INTS6: variants seen among roughly 807,000 people sequenced by gnomAD.
INTS6 encodes integrator complex subunit 6.
In INTS6, 16 loss-of-function variants were observed where a neutral mutation model predicts 104.9. The observed-to-expected ratio is 0.15, with a 90% CI of 0.10 to 0.23. The LOEUF (loss-of-function observed/expected upper bound fraction) is 0.23. INTS6 is among the 10% of genes least tolerant of loss of function. The probability of loss-of-function intolerance (pLI) is 1.00; values close to 1 mark genes in which losing one functional copy is unlikely to be tolerated. For missense variants in INTS6, 584 were observed against 1,062.8 expected (o/e 0.55, Z 6.26); for synonymous variants, 324 against 358.7 (o/e 0.90, Z 1.09).
At chr13:51,390,109 AT>A (rs1002015456) in intron 5 of INTS6, among the ~76,000 whole-genome samples, 1 of 151,966 alleles carries the variant, frequency 6.6e-6, no homozygotes, top group Non-Finnish European at 1.5e-5. Flanking sequence ...AATACTAGTG[AT>A]TTTTTTAAAA....
downstream of INTS6, among the ~76,000 whole-genome samples, chr13:51,352,492 T>G (rs1241877318): frequency 6.6e-6 from 1 of 151,956 alleles, no homozygotes; most frequent in Non-Finnish European, 1.5e-5. Flanking sequence ...TGTGTGTGGA[T>G]TCTTTAGGGT....
At position 51,379,513 on chromosome 13, in the gene INTS6, T is replaced by C. The variant is rs1956004540; in HGVS notation, c.1335A>G (p.Glu445=). 3.7e-6 allele frequency: 6 copies of C among 1,606,552 alleles called. No individual in the cohort carries two copies. Among genetic ancestry groups the C allele is most frequent in the Non-Finnish European group, 5.1e-6 (6 of 1,176,334 alleles). The change falls in exon 11 of 18, where the codon GAA becomes GAG. Residue 445 remains glutamate (E), a synonymous_variant. Coordinates refer to ENST00000311234, the MANE Select transcript of INTS6 (RefSeq NM_012141.3). ...AAATGACACTGTAACTAAGTCCATA[T>C]TCCATACTGTCTGCTATTAGGTTAG... ...GAPNLIADSM[E]YGLSYSVISY... is the part of the protein sequence containing the mutation.
intron 4 of INTS6, among the ~76,000 whole-genome samples, chr13:51,415,455 G>T (rs7995268): frequency 1.3e-5 from 2 of 152,100 alleles, no homozygotes; most frequent in African/African-American, 4.8e-5. Context: ...TAAATCATGG[G>T]GATGGGTCTC....
At chr13:51,348,106 G>T in the INTS6 span, 1 of 807,188 alleles carries the variant, frequency 1.2e-6, no homozygotes, top group South Asian at 1.8e-5. Context: ...GTGGATGCTC[G>T]GTTTTATTGT....
intron 3 of INTS6, chr13:51,450,545 T>C: frequency 1.0e-6 from 1 of 985,510 alleles, no homozygotes; most frequent in African/African-American, 1.7e-5. Flanking sequence ...CCAGTGACTG[T>C]ACTCCAGTGA....
At chr13:51,441,683 C>T (rs944336352) in intron 3 of INTS6, 1 of 152,098 alleles carries the variant, frequency 6.6e-6, no homozygotes, top group Non-Finnish European at 1.5e-5. Flanking sequence ...AGCTACACAT[C>T]AGAAACTTAA....
At chr13:51,433,246 C>T (rs1208281643) in intron 3 of INTS6, among the ~76,000 whole-genome samples, 1 of 152,104 alleles carries the variant, frequency 6.6e-6, no homozygotes, top group East Asian at 1.9e-4. Context: ...GACTGCGAGA[C>T]CAGTCTAGGA....
intron 7 of INTS6, 192 bp from the exon 8 acceptor site, chr13:51,383,933 AAGAT>A: frequency 2.6e-6 from 1 of 390,424 alleles, no homozygotes; most frequent in Non-Finnish European, 4.5e-6. Context: ...TCACAACAAA[AAGAT>A]AAACACTTGA....
chr13:51,433,707 A>C (rs1016552195), intron 3 of INTS6, among the ~76,000 whole-genome samples: 1 of 152,268 alleles, frequency 6.6e-6, no homozygotes, highest in African/African-American at 2.4e-5. Context: ...AATTTAATTA[A>C]GCTAAATTCA....
At chr13:51,347,036 A>C in the INTS6 span, 1 of 1,581,996 alleles carries the variant, frequency 6.3e-7, no homozygotes, top group Non-Finnish European at 8.6e-7. Flanking sequence ...TGGGGGCCCC[A>C]GTGAGGGCCC....
At position 51,399,706 on chromosome 13, in the gene INTS6, G is replaced by GT. The variant is rs1491558644; in HGVS notation, c.430-4224_430-4223insA. On this transcript the variant is annotated intron_variant, in intron 4 of 17. Transcript: ENST00000311234. The stretch of plus-strand genomic sequence containing the variant: ...CTGTCTTTTTCATGTTAGCCATTGT[G>GT]GGTGTGTGTGTGTGTGCGTGTGTGT... Among the ~76,000 whole-genome samples the GT allele has an allele frequency of 1.0e-4, 15 of 149,276 alleles. No homozygotes were observed. In the East Asian group the frequency reaches 3.0e-3, roughly 30 times the overall value.
intron 4 of INTS6, chr13:51,423,136 C>A (rs1002729088): frequency 8.2e-5 from 81 of 984,802 alleles, no homozygotes; most frequent in Middle Eastern, 2.5e-4. Context: ...GGAGCTGCCG[C>A]TATTCTTATA....
At chr13:51,433,361 T>C (rs1006496465) in intron 3 of INTS6, among the ~76,000 whole-genome samples, 1 of 152,164 alleles carries the variant, frequency 6.6e-6, no homozygotes, top group East Asian at 1.9e-4. Flanking sequence ...AGCAGGAGAA[T>C]CCCTTGAACC....
chr13:51,374,237 T>A lies in INTS6; in HGVS notation c.2075A>T (p.Asp692Val), dbSNP rs1197289460. The stretch of plus-strand genomic sequence containing the variant: ...ATGAAGAGGAAGAGGTTTAATAAGA[T>A]CTGGCTGTGCTTGAGTTGTAGGTGC... ...PPAPTTQAQP[D>V]LIKPLPLHKI... Residue 692 changes from aspartate to valine, a missense_variant, in exon 15 of 18, where the codon GAT (aspartate) becomes GTT (valine). Around this residue, in one of 5 missense-constraint regions of INTS6, gnomAD observed 296 missense variants for 437.0 expected, o/e 0.68. Transcript: ENST00000311234. 1.9e-6 allele frequency: 3 copies of A among 1,613,912 alleles called. No individual in the cohort carries two copies. Among genetic ancestry groups the A allele is most frequent in the East Asian group, 4.5e-5 (2 of 44,862 alleles).
chr13:51,432,449 AT>A (rs1448713582), intron 3 of INTS6, among the ~76,000 whole-genome samples: 1 of 138,440 alleles, frequency 7.2e-6, no homozygotes, highest in Non-Finnish European at 1.6e-5. Flanking sequence ...GTTTACCACA[AT>A]TTATTAAAAA....
At chr13:51,403,984 G>A (rs1201465897) in intron 4 of INTS6, among the ~76,000 whole-genome samples, 1 of 151,808 alleles carries the variant, frequency 6.6e-6, no homozygotes, top group African/African-American at 2.4e-5. Context: ...CACTTTGGGA[G>A]GCTGAGGCAG....
At chr13:51,369,404 C>CAGTTGACT in intron 15 of INTS6, 94 bp from the exon 16 acceptor site, 1 of 1,277,190 alleles carries the variant, frequency 7.8e-7, no homozygotes, top group Non-Finnish European at 1.1e-6. Flanking sequence ...AGCAAGTCAA[C>CAGTTGACT]TGTTTTCCTT....
chr13:51,356,409 T>C lies in INTS6; in HGVS notation n.431-2073A>G, dbSNP rs534582503. Reference sequence around the variant, plus strand: ...GAACTTAAGAGAATTCTATGTTTGATAATGTGCAAAATCTAACCAGTGTCT... The same window carrying C: ...GAACTTAAGAGAATTCTATGTTTGACAATGTGCAAAATCTAACCAGTGTCT... On this transcript the variant is annotated intron_variant and non_coding_transcript_variant, in intron 3 of 3. Coordinates refer to the INTS6 transcript ENST00000476666. Among the ~76,000 whole-genome samples the C allele has an allele frequency of 2.6e-5, 4 of 152,274 alleles. No homozygotes were observed. In the South Asian group the frequency reaches 8.3e-4, roughly 32 times the overall value.
At chr13:51,394,217 AC>A (rs1196701558) in intron 5 of INTS6, among the ~76,000 whole-genome samples, 6 of 152,200 alleles carry the variant, frequency 3.9e-5, no homozygotes, top group Non-Finnish European at 8.8e-5. Flanking sequence ...AAAAAAAATT[AC>A]ATATATGCCT....
Sources: allele counts gnomAD v4.1 joint callset (sites outside exome capture counted in the v4.1 genomes callset), GRCh38; gene constraint gnomAD v4.1.1; regional missense constraint gnomAD v4.1.1; transcripts MANE v1.5; gene names NCBI Gene and HGNC (gene_info 2026-07-23, HGNC 2026-07-21).